The following NEUROD2 variants were observed in gnomAD, a reference collection of about 807,000 sequenced individuals.
NEUROD2 encodes the protein neuronal differentiation 2.
In NEUROD2, 5 loss-of-function variants were observed where a neutral mutation model predicts 9.3. The observed-to-expected ratio is 0.54, with a 90% confidence interval of 0.28 to 1.13. The LOEUF is 1.13. NEUROD2 is among the 50% of genes most tolerant of loss of function. NEUROD2 has a pLI of 0.10. For missense variants in NEUROD2, 376 were observed against 549.2 expected (o/e 0.68, Z 3.15); for synonymous variants, 277 against 257.3 (o/e 1.08, Z -0.73).
intron 1 of NEUROD2, 199 bp downstream of exon 1, chr17:39,607,529 C>T: frequency 2.4e-6 from 2 of 842,572 alleles, no homozygotes; most frequent in Non-Finnish European, 2.9e-6. Flanking sequence ...CCGAGCCCAT[C>T]GCAGGCAGAG....
chr17:39,605,349 C>A lies in NEUROD2; in HGVS notation c.*102G>T. Reference sequence around the variant, plus strand: ...GGCAGGACCGGTGGCCCGCTCCCCGCGCCCGGCGCCGGGGTAGGATGGGGG... The same window carrying A: ...GGCAGGACCGGTGGCCCGCTCCCCGAGCCCGGCGCCGGGGTAGGATGGGGG... On this transcript the variant is annotated 3_prime_UTR_variant, in exon 2 of 2. Transcript: ENST00000302584. The surrounding 1 kb of genome is among the most constrained non-coding windows in gnomAD (Gnocchi z 6.8). 1 of 1,411,678 alleles carries A rather than the reference C, an allele frequency of 7.1e-7. No homozygotes were observed. Among genetic ancestry groups the A allele is most frequent in the Admixed American group, 2.8e-5 (1 of 35,520 alleles). 87.4% of individuals were successfully genotyped at this position (1,411,678 alleles called of 1,614,324 possible).
In NEUROD2 at chr17:39,606,870, C is replaced by T. The variant is rs2056771400; in HGVS notation, c.-5-266G>A. The T allele has an allele frequency of 1.1e-5, 5 of 436,400 alleles. No homozygotes were observed. The highest frequency in any genetic ancestry group is 2.1e-5 in the African/African-American group (1 of 47,898). The allele number at this position is 436,400 out of a possible 1,614,324, so 27.0% of individuals were successfully genotyped here. The stretch of plus-strand genomic sequence containing the variant: ...CCTCGCTTGAATGGGGGGCTGCTCC[C>T]CGCGCCTGCTTCTTCTCAGGGTCAG... On this transcript the variant is annotated intron_variant, in intron 1 of 1. Transcript: ENST00000302584. This position sits in a 1 kb window ranked among gnomAD's most constrained non-coding sequence, Gnocchi z 7.8.
At position 39,604,372 on chromosome 17, in the gene NEUROD2, G is replaced by A. The variant is rs2056757191; in HGVS notation, c.*1079C>T. 1 of 152,616 alleles carries A rather than the reference G, an allele frequency of 6.6e-6. No homozygotes were observed. The highest frequency in any genetic ancestry group is 2.4e-5 in the African/African-American group (1 of 41,406). The allele number at this position is 152,616 out of a possible 1,614,324, so 9.5% of individuals were successfully genotyped here. On this transcript the variant is annotated 3_prime_UTR_variant, in exon 2 of 2. Transcript: ENST00000302584. ...CCATTCCATACAAATTTGGAAACAG[G>A]TTTTTAAAAAACAGCATGACGCACA...
chr17:39,606,375 C>A lies in NEUROD2; in HGVS notation c.225G>T (p.Glu75Asp). 6.4e-7 allele frequency: 1 copy of A among 1,561,276 alleles called. No individual in the cohort carries two copies. The highest frequency in any genetic ancestry group is 1.2e-5 in the South Asian group (1 of 85,690). ...CCTCCTCTCCCCCCAGCTCGCCTTCCTCCTTGACCTCGGCCAACGTGGCCT... is the reference window on the plus strand; with the variant it reads ...CCTCCTCTCCCCCCAGCTCGCCTTCATCCTTGACCTCGGCCAACGTGGCCT... ...GTEATLAEVKEEGELGGEEEE... is the reference protein window; with the variant it reads ...GTEATLAEVKDEGELGGEEEE... The change falls in exon 2 of 2, where the codon GAG becomes GAT. Residue 75 changes from glutamate to aspartate, a missense_variant. This residue lies in a region of NEUROD2 where 134 missense variants were observed against 133.6 expected (regional missense o/e 1.00). Transcript: ENST00000302584. This position sits in a 1 kb window ranked among gnomAD's most constrained non-coding sequence, Gnocchi z 7.8.
In NEUROD2 at chr17:39,605,160, G is replaced by A. The variant is rs1295069254; in HGVS notation, c.*291C>T. 1.3e-5 allele frequency: 4 copies of A among 314,100 alleles called. No individual in the cohort carries two copies. The highest frequency in any genetic ancestry group is 2.3e-5 in the Non-Finnish European group (4 of 171,744). The allele number at this position is 314,100 out of a possible 1,614,324, so 19.5% of individuals were successfully genotyped here. ...AGCGAAGATATTGGGAATGGGGGAG[G>A]GGTGCCTCCAGGGAGCCCCCGGAGA... On this transcript the variant is annotated 3_prime_UTR_variant, in exon 2 of 2. Coordinates refer to ENST00000302584, the MANE Select transcript of NEUROD2 (RefSeq NM_006160.4). The surrounding 1 kb of genome is among the most constrained non-coding windows in gnomAD (Gnocchi z 6.8).
chr17:39,605,903 GGCC>G lies in NEUROD2; in HGVS notation c.694_696del (p.Gly232del). On this transcript the variant is annotated inframe_deletion, in exon 2 of 2. Coordinates refer to ENST00000302584, the MANE Select transcript of NEUROD2 (RefSeq NM_006160.4). The surrounding 1 kb of genome is among the most constrained non-coding windows in gnomAD (Gnocchi z 6.8). ...TACGGGTAGGGGTGCATGGCGAACG[GGCC>G]GCCCGAGCCGTGGAAGCGGCCGGCA... 2 of 1,606,374 alleles carry G rather than the reference GGCC, an allele frequency of 1.2e-6. No homozygotes were observed. The highest frequency in any genetic ancestry group is 1.7e-6 in the Non-Finnish European group (2 of 1,177,722).
Position 39,605,494 on chromosome 17 carries a change from C to G in NEUROD2, c.1106G>C (p.Arg369Pro). Reference sequence around the variant, plus strand: ...ATTGAGCTCCTCGTACATGGGGCCCCGGTCGTGGTGAAGGTGCATATCGTA... The same window carrying G: ...ATTGAGCTCCTCGTACATGGGGCCCGGGTCGTGGTGAAGGTGCATATCGTA... The part of the protein sequence containing the change: ...LSYDMHLHHD[R>P]GPMYEELNAF... Residue 369 changes from arginine to proline, a missense_variant, in exon 2 of 2, where the codon CGG becomes CCG. Coordinates refer to ENST00000302584, the MANE Select transcript of NEUROD2 (RefSeq NM_006160.4). This position sits in a 1 kb window ranked among gnomAD's most constrained non-coding sequence, Gnocchi z 6.8. 6.2e-7 allele frequency: 1 copy of G among 1,608,310 alleles called. No individual in the cohort carries two copies. The highest frequency in any genetic ancestry group is 8.5e-7 in the Non-Finnish European group (1 of 1,176,886).
In NEUROD2 at chr17:39,605,475, C is replaced by T; in HGVS notation, c.1125G>A (p.Glu375=). 1 of 1,596,392 alleles carries T rather than the reference C, an allele frequency of 6.3e-7. No individual in the cohort carries two copies. Among genetic ancestry groups the T allele is most frequent in the Non-Finnish European group, 8.5e-7 (1 of 1,170,216 alleles). ...CTCAGTTATGAAAAAACGCATTGAGCTCCTCGTACATGGGGCCCCGGTCGT... is the reference window on the plus strand; with the variant it reads ...CTCAGTTATGAAAAAACGCATTGAGTTCCTCGTACATGGGGCCCCGGTCGT... ...LHHDRGPMYE[E]LNAFFHN The change falls in exon 2 of 2, where the codon GAG becomes GAA. Residue 375 remains glutamate, a synonymous_variant. Coordinates refer to ENST00000302584, the MANE Select transcript of NEUROD2 (RefSeq NM_006160.4). The surrounding 1 kb of genome is among the most constrained non-coding windows in gnomAD (Gnocchi z 6.8).
At position 39,604,725 on chromosome 17, in the gene NEUROD2, A is replaced by G. The variant is rs1391855512; in HGVS notation, c.*726T>C. ...TTACTGCGTTTTCTCTCCGATCCGG[A>G]CTCTGCGTTCGGCTTCCGTCGCCTC... On this transcript the variant is annotated 3_prime_UTR_variant, in exon 2 of 2. Coordinates refer to ENST00000302584, the MANE Select transcript of NEUROD2 (RefSeq NM_006160.4). 1 of 106,486 alleles carries G rather than the reference A, an allele frequency of 9.4e-6. No individual in the cohort carries two copies. Among genetic ancestry groups the G allele is most frequent in the Non-Finnish European group, 1.7e-5 (1 of 57,220 alleles). 6.6% of individuals were successfully genotyped at this position (106,486 alleles called of 1,614,324 possible). A position where few individuals can be genotyped will look rare whatever the true frequency, so the allele number is the denominator to read the frequency against.
chr17:39,605,910 C>T lies in NEUROD2; in HGVS notation c.690G>A (p.Ser230=), dbSNP rs1176073246. Residue 230 remains serine, a synonymous_variant, in exon 2 of 2, where the codon TCG becomes TCA. Transcript: ENST00000302584. The surrounding 1 kb of genome is among the most constrained non-coding windows in gnomAD (Gnocchi z 6.8). The stretch of plus-strand genomic sequence containing the variant: ...AGGGGTGCATGGCGAACGGGCCGCC[C>T]GAGCCGTGGAAGCGGCCGGCACCGT... ...GADGAGRFHG[S]GGPFAMHPYP... 7 of 1,608,004 alleles carry T rather than the reference C, an allele frequency of 4.4e-6. No homozygotes were observed. In the Middle Eastern group the frequency reaches 5.0e-4, roughly 114 times the overall value.
chr17:39,607,669 A>C, intron 1 of NEUROD2, 59 bp downstream of exon 1: 2 of 983,958 alleles, frequency 2.0e-6, no homozygotes, highest in Non-Finnish European at 1.2e-6. Flanking sequence ...TGTCGGCCGA[A>C]GCTGCCGCCC....
chr17:39,606,641 A>G lies in NEUROD2; in HGVS notation c.-5-37T>C. On this transcript the variant is annotated intron_variant, in intron 1 of 1. Transcript: ENST00000302584. This position sits in a 1 kb window ranked among gnomAD's most constrained non-coding sequence, Gnocchi z 7.8. ...CCGCGGGCGGGAAGGGGAGACAGAC[A>G]GCACAAAGTGAGGGGCGCGCTGGGG... The G allele has an allele frequency of 6.7e-7, 1 of 1,501,804 alleles. No homozygotes were observed. The highest frequency in any genetic ancestry group is 8.8e-7 in the Non-Finnish European group (1 of 1,135,434). The allele number at this position is 1,501,804 out of a possible 1,614,324, so 93.0% of individuals were successfully genotyped here.
In NEUROD2 at chr17:39,607,827, C is replaced by G. The variant is rs1026026715; in HGVS notation, c.-105G>C. ...CTTCTCGCTTATTTCATTGTTCCCC[C>G]ATCTTCAGGGAGCGGGGGCAGCGGC... On this transcript the variant is annotated 5_prime_UTR_variant, in exon 1 of 2. The change abolishes an upstream ATG in the 5' untranslated region. Coordinates refer to ENST00000302584, the MANE Select transcript of NEUROD2 (RefSeq NM_006160.4). 1 of 162,772 alleles carries G rather than the reference C, an allele frequency of 6.1e-6. No homozygotes were observed. Among genetic ancestry groups the G allele is most frequent in the Non-Finnish European group, 1.3e-5 (1 of 77,788 alleles). 10.1% of individuals were successfully genotyped at this position (162,772 alleles called of 1,614,324 possible). A position where few individuals can be genotyped will look rare whatever the true frequency, so the allele number is the denominator to read the frequency against.
rs2056755183 is a variant in NEUROD2, at chr17:39,604,002, C to G, written c.*1449G>C. ...GTGGGCAGAGGGTCTCCTTTTGCCC[C>G]TTTTTGGGGGAACCTCCAGTAGGAG... On this transcript the variant is annotated 3_prime_UTR_variant, in exon 2 of 2. Coordinates refer to ENST00000302584, the MANE Select transcript of NEUROD2 (RefSeq NM_006160.4). 1 of 152,726 alleles carries G rather than the reference C, an allele frequency of 6.5e-6. No homozygotes were observed. Among genetic ancestry groups the G allele is most frequent in the African/African-American group, 2.4e-5 (1 of 41,438 alleles). 9.5% of individuals were successfully genotyped at this position (152,726 alleles called of 1,614,324 possible).
rs1331659156 is a variant in NEUROD2 at position 39,606,428 on chromosome 17, C to T, written c.172G>A (p.Val58Ile). Residue 58 changes from valine (V) to isoleucine (I), a missense_variant, in exon 2 of 2, where the codon GTC becomes ATC. By Grantham distance (29) the Val-to-Ile change is conservative. This residue lies in a region of NEUROD2 where 134 missense variants were observed against 133.6 expected (regional missense o/e 1.00). Transcript: ENST00000302584. This position sits in a 1 kb window ranked among gnomAD's most constrained non-coding sequence, Gnocchi z 7.8. Reference protein sequence around the residue: ...APGPARAAKPVPLRGEEGTEA... With the variant: ...APGPARAAKPIPLRGEEGTEA... ...GTCCCCTCTTCTCCACGGAGAGGGA[C>T]TGGCTTGGCCGCCCGGGCTGGCCCC... 2.0e-6 allele frequency: 3 copies of T among 1,522,590 alleles called. No individual in the cohort carries two copies. Among genetic ancestry groups the T allele is most frequent in the Middle Eastern group, 1.7e-4 (1 of 5,848 alleles). 94.3% of individuals were successfully genotyped at this position (1,522,590 alleles called of 1,614,324 possible).
chr17:39,606,659 C>A lies in NEUROD2; in HGVS notation c.-5-55G>T. 6.9e-7 allele frequency: 1 copy of A among 1,442,970 alleles called. No homozygotes were observed. Among genetic ancestry groups the A allele is most frequent in the Non-Finnish European group, 9.1e-7 (1 of 1,099,064 alleles). The allele number at this position is 1,442,970 out of a possible 1,614,324, so 89.4% of individuals were successfully genotyped here. A position where few individuals can be genotyped will look rare whatever the true frequency, so the allele number is the denominator to read the frequency against. On this transcript the variant is annotated intron_variant, in intron 1 of 1. Transcript: ENST00000302584. The surrounding 1 kb of genome is among the most constrained non-coding windows in gnomAD (Gnocchi z 7.8). ...GACAGACAGCACAAAGTGAGGGGCG[C>A]GCTGGGGTACCGACGCCCCCCCACA...
At position 39,603,887 on chromosome 17, in the gene NEUROD2, AT is replaced by A; in HGVS notation, c.*1563del. 6.5e-6 allele frequency: 1 copy of A among 152,702 alleles called. No individual in the cohort carries two copies. Among genetic ancestry groups the A allele is most frequent in the South Asian group, 2.1e-4 (1 of 4,814 alleles). 9.5% of individuals were successfully genotyped at this position (152,702 alleles called of 1,614,324 possible). ...ATCTTCGCTACAAGAGGAAGGTAAA[AT>A]TGCGTGTGTGTGGGTGAGTGTGTGG... On this transcript the variant is annotated 3_prime_UTR_variant, in exon 2 of 2. Coordinates refer to ENST00000302584, the MANE Select transcript of NEUROD2 (RefSeq NM_006160.4).
intron 1 of NEUROD2, 174 bp downstream of exon 1, chr17:39,607,554 G>A (rs1301968996): frequency 1.0e-6 from 1 of 962,716 alleles, no homozygotes; most frequent in African/African-American, 1.8e-5. Flanking sequence ...CTCCTCTGCA[G>A]CCCCCTGGGC....
rs1022402499 is a variant in NEUROD2, at chr17:39,607,898, C to T, written c.-176G>A. ...GGCGTCTTCAGAGCGCCATGCGAAC[C>T]GCGGAGCGAGTGTGGCATCTCTACC... On this transcript the variant is annotated 5_prime_UTR_variant, in exon 1 of 2. Coordinates refer to ENST00000302584, the MANE Select transcript of NEUROD2 (RefSeq NM_006160.4). 6.6e-6 allele frequency: 1 copy of T among 152,188 alleles called. No individual in the cohort carries two copies. Among genetic ancestry groups the T allele is most frequent in the Non-Finnish European group, 1.5e-5 (1 of 68,106 alleles). The allele number at this position is 152,188 out of a possible 1,614,324, so 9.4% of individuals were successfully genotyped here.
Sources: allele counts gnomAD v4.1 joint callset, GRCh38; gene constraint gnomAD v4.1.1; regional missense constraint gnomAD v4.1.1; non-coding constraint Gnocchi (gnomAD v3.1); transcripts MANE v1.5; gene names NCBI Gene and HGNC (gene_info 2026-07-23, HGNC 2026-07-21).